The following GRIK4 variants were observed in gnomAD, a reference collection of about 807,000 sequenced individuals.
The protein encoded by GRIK4 is glutamate receptor ionotropic, kainate 4.
In GRIK4, 40 loss-of-function variants were observed where a neutral mutation model predicts 104.9. The observed-to-expected ratio is 0.38, with a 90% CI of 0.30 to 0.50. The LOEUF is 0.50. Among genes scored for constraint, GRIK4 ranks in the 20% least tolerant of loss-of-function variants. The probability of loss-of-function intolerance (pLI) is 0.93; values close to 1 mark genes in which losing one functional copy is unlikely to be tolerated. For missense variants in GRIK4, 1,047 were observed against 1,308.1 expected, an observed-to-expected ratio of 0.80 and a Z score of 3.08; for synonymous variants, 485 against 524.9, an observed-to-expected ratio of 0.92 and a Z score of 1.04.
At position 120,700,876 on chromosome 11, in the gene GRIK4, A is replaced by T. The variant is rs183392754; in HGVS notation, c.82+40476A>T. On this transcript the variant is annotated intron_variant, in intron 3 of 20. Coordinates refer to ENST00000527524, the MANE Select transcript of GRIK4 (RefSeq NM_014619.5). ...CAAAGTGCTTGGGATTACAGATGTGAGCCATCGCAGCCGGCCATATTACTG... is the reference window on the plus strand; with the variant it reads ...CAAAGTGCTTGGGATTACAGATGTGTGCCATCGCAGCCGGCCATATTACTG... Among the ~76,000 whole-genome samples the T allele has an allele frequency of 1.5e-4, 23 of 152,306 alleles. No individual in the cohort carries two copies. In the East Asian group the frequency reaches 4.2e-3, roughly 28 times the overall value.
chr11:120,962,836 TTTTA>T, intron 18 of GRIK4, 155 bp downstream of exon 18: 5 of 547,938 alleles, frequency 9.1e-6, no homozygotes, highest in Non-Finnish European at 9.7e-6. Flanking sequence ...TTTTTTTTTT[TTTTA>T]AAGCAAACAC....
intron 3 of GRIK4, among the ~76,000 whole-genome samples, chr11:120,680,799 G>A (rs1401521680): frequency 6.6e-6 from 1 of 152,220 alleles, no homozygotes; most frequent in Non-Finnish European, 1.5e-5. Context: ...TTGTCTTTGA[G>A]TTTGGAAGAG....
chr11:120,750,043 TG>T (rs887073589), intron 3 of GRIK4, among the ~76,000 whole-genome samples: 9 of 152,100 alleles, frequency 5.9e-5, no homozygotes, highest in African/African-American at 2.2e-4. Context: ...TCAGAGGTCC[TG>T]GTTTAGCCTC....
chr11:120,973,568 G>A (rs1050931964), intron 19 of GRIK4, among the ~76,000 whole-genome samples: 1 of 152,214 alleles, frequency 6.6e-6, no homozygotes, highest in Non-Finnish European at 1.5e-5. Flanking sequence ...ATGTTTCAGA[G>A]TGGGGCTGTC....
intron 13 of GRIK4, among the ~76,000 whole-genome samples, chr11:120,928,986 T>C (rs376995702): frequency 0.32 from 45,548 of 141,250 alleles, 7,353 homozygotes; most frequent in Admixed American, 0.43. Flanking sequence ...TGTGTGTGTG[T>C]GTGCGCGCGT....
At chr11:120,796,364 C>T (rs1015766104) in intron 3 of GRIK4, among the ~76,000 whole-genome samples, 5 of 152,104 alleles carry the variant, frequency 3.3e-5, no homozygotes, top group Admixed American at 3.3e-4. Flanking sequence ...TCCACGGTTG[C>T]TTGAATCTGC....
At chr11:120,661,663 C>A (rs1309022425) in intron 3 of GRIK4, among the ~76,000 whole-genome samples, 1 of 152,162 alleles carries the variant, frequency 6.6e-6, no homozygotes, top group Non-Finnish European at 1.5e-5. Flanking sequence ...CTGGCTAGGC[C>A]AGGGGTCACA....
intron 3 of GRIK4, among the ~76,000 whole-genome samples, chr11:120,788,736 G>T (rs1055853123): frequency 1.3e-5 from 2 of 151,938 alleles, no homozygotes; most frequent in African/African-American, 4.8e-5. Flanking sequence ...CTCCTCTTCT[G>T]AGCCCTTCTT....
intron 1 of GRIK4, among the ~76,000 whole-genome samples, chr11:120,584,598 C>T (rs1202253772): frequency 6.6e-6 from 1 of 152,196 alleles, no homozygotes; most frequent in Non-Finnish European, 1.5e-5. Context: ...CAGCACCAAA[C>T]CACAAGGGAT....
intron 20 of GRIK4, among the ~76,000 whole-genome samples, chr11:120,984,769 A>T (rs1038870752): frequency 8.2e-5 from 12 of 146,500 alleles, no homozygotes; most frequent in African/African-American, 3.0e-4. Context: ...ACTCTTGTCT[A>T]AAAAAAACCA....
At chr11:120,851,687 T>C (rs1953977665) in intron 8 of GRIK4, among the ~76,000 whole-genome samples, 1 of 152,202 alleles carries the variant, frequency 6.6e-6, no homozygotes, top group East Asian at 1.9e-4. Flanking sequence ...AAATCTGTTA[T>C]GCATATCCCT....
At chr11:120,844,204 C>T (rs1052971106) in intron 8 of GRIK4, among the ~76,000 whole-genome samples, 1 of 152,110 alleles carries the variant, frequency 6.6e-6, no homozygotes, top group African/African-American at 2.4e-5. Flanking sequence ...CACACAGCCC[C>T]ACTCTTTCAC....
At chr11:120,697,947 C>T (rs980209431) in intron 3 of GRIK4, among the ~76,000 whole-genome samples, 51 of 152,232 alleles carry the variant, frequency 3.4e-4, no homozygotes, top group African/African-American at 1.1e-3. Context: ...TCCTCCTGCT[C>T]ATAGAAGAGG....
At chr11:120,809,056 A>G (rs12286679) in intron 4 of GRIK4, among the ~76,000 whole-genome samples, 17,249 of 152,078 alleles carry the variant, frequency 0.11, 3,115 homozygotes, top group African/African-American at 0.38. Flanking sequence ...TAGCTCCTCT[A>G]AACCATCTGC....
chr11:120,835,964 G>A (rs905360712), intron 7 of GRIK4, among the ~76,000 whole-genome samples: 10 of 152,210 alleles, frequency 6.6e-5, no homozygotes, highest in African/African-American at 2.4e-4. Flanking sequence ...ACAGGCAACT[G>A]ATTCCTTACG....
chr11:120,655,149 G>A (rs912177717), intron 2 of GRIK4, among the ~76,000 whole-genome samples: 6 of 152,030 alleles, frequency 3.9e-5, no homozygotes, highest in African/African-American at 1.4e-4. Flanking sequence ...AGACAGCATC[G>A]TTGTCATAGG....
chr11:120,545,240 C>T (rs1948074684), intron 1 of GRIK4, among the ~76,000 whole-genome samples: 1 of 152,174 alleles, frequency 6.6e-6, no homozygotes, highest in African/African-American at 2.4e-5. Flanking sequence ...GAGCTCTTTC[C>T]CTCAAAACTG....
chr11:120,938,527 G>C (rs1189006548), intron 13 of GRIK4, among the ~76,000 whole-genome samples: 1 of 152,198 alleles, frequency 6.6e-6, no homozygotes, highest in East Asian at 1.9e-4. Context: ...AGGTGGAGAA[G>C]AAACTGATCT....
At chr11:120,790,292 G>A (rs1201653917) in intron 3 of GRIK4, among the ~76,000 whole-genome samples, 1 of 152,186 alleles carries the variant, frequency 6.6e-6, no homozygotes, top group African/African-American at 2.4e-5. Context: ...TTGAATGAGT[G>A]AATGCCTTAC....
Sources: allele counts gnomAD v4.1 joint callset (sites outside exome capture counted in the v4.1 genomes callset), GRCh38; gene constraint gnomAD v4.1.1; transcripts MANE v1.5; gene names NCBI Gene and HGNC (gene_info 2026-07-23, HGNC 2026-07-21).